Variants in ARID1B observed in about 807,000 individuals in gnomAD.
ARID1B encodes the protein AT-rich interactive domain-containing protein 1B.
Under a neutral mutation model 212.3 loss-of-function variants are expected in ARID1B, and 30 were observed. The ratio of observed to expected loss-of-function variants is 0.14; its 90% CI spans 0.11 to 0.19. The LOEUF is 0.19. Ranked by LOEUF, ARID1B falls within the 10% of genes least tolerant of loss-of-function variation. The probability of loss-of-function intolerance (pLI) is 1.00; values close to 1 mark genes in which losing one functional copy is unlikely to be tolerated. For synonymous variants in ARID1B, 1,402 were observed against 1,301.7 expected (o/e 1.08, Z -1.66); for missense variants, 2,891 against 3,204.0 (o/e 0.90, Z 2.36).
At chr6:157,115,449 CAG>C (rs2128532584) in intron 6 of ARID1B, among the ~76,000 whole-genome samples, 1 of 152,276 alleles carries the variant, frequency 6.6e-6, no homozygotes, top group African/African-American at 2.4e-5. Context: ...TGTTTTGAGA[CAG>C]AGTCTTGCTC....
chr6:157,183,042 C>T (rs777193067), intron 12 of ARID1B, among the ~76,000 whole-genome samples: 2 of 152,154 alleles, frequency 1.3e-5, no homozygotes, highest in African/African-American at 4.8e-5. Flanking sequence ...TGAGACTCTC[C>T]GCGGGCTTAT....
intron 12 of ARID1B, 118 bp from the exon 13 acceptor site, chr6:157,184,113 T>G: frequency 1.2e-6 from 1 of 862,112 alleles, no homozygotes; most frequent in Non-Finnish European, 1.8e-6. Flanking sequence ...GTAATGAGCA[T>G]TAGTTAAAAG....
intron 8 of ARID1B, among the ~76,000 whole-genome samples, chr6:157,159,287 C>A (rs989450586): frequency 6.6e-6 from 1 of 152,206 alleles, no homozygotes; most frequent in African/African-American, 2.4e-5. Flanking sequence ...AAGAGAACTT[C>A]CTTAGTTATC....
At chr6:156,833,245 C>T (rs1358989022) in intron 2 of ARID1B, among the ~76,000 whole-genome samples, 1 of 151,980 alleles carries the variant, frequency 6.6e-6, no homozygotes, top group East Asian at 1.9e-4. Context: ...CTTAAAGACA[C>T]CAAGATATTC....
At position 156,905,835 on chromosome 6, in the gene ARID1B, G is replaced by A. The variant is rs563375914; in HGVS notation, c.2136+4310G>A. Among the ~76,000 whole-genome samples the A allele has an allele frequency of 8.6e-5, 13 of 151,528 alleles. 1 individual carries two copies. The highest frequency in any genetic ancestry group is 3.3e-4 in the Admixed American group (5 of 15,224). On this transcript the variant is annotated intron_variant, in intron 3 of 19. Transcript: ENST00000636930. Reference sequence around the variant, plus strand: ...TATAAACTTTTTCTTTTTTTATCACGCTATTTTCTAAGAATTTTATCTTTT... The same window carrying A: ...TATAAACTTTTTCTTTTTTTATCACACTATTTTCTAAGAATTTTATCTTTT...
chr6:156,811,521 G>C (rs1249640361), intron 1 of ARID1B, among the ~76,000 whole-genome samples: 1 of 152,194 alleles, frequency 6.6e-6, no homozygotes, highest in Non-Finnish European at 1.5e-5. Context: ...GTGCTGGCAA[G>C]GTAGTTTTCA....
intron 1 of ARID1B, among the ~76,000 whole-genome samples, chr6:156,801,675 G>T (rs2115350192): frequency 6.6e-6 from 1 of 152,188 alleles, no homozygotes; most frequent in East Asian, 1.9e-4. Context: ...GCAGGGTGGG[G>T]TCTGTGTTTT....
intron 8 of ARID1B, chr6:157,166,632 C>CATTT (rs1412923723): frequency 6.5e-6 from 1 of 154,280 alleles, no homozygotes; most frequent in African/African-American, 2.4e-5. Flanking sequence ...CCACACTGCC[C>CATTT]ATTTGTTTTT....
chr6:157,079,110 A>T (rs1380192851), intron 4 of ARID1B, among the ~76,000 whole-genome samples: 2 of 152,218 alleles, frequency 1.3e-5, no homozygotes, highest in African/African-American at 4.8e-5. Context: ...ACATATTTGG[A>T]CATGATTAAA....
chr6:156,885,168 A>G (rs1345731860), intron 2 of ARID1B, among the ~76,000 whole-genome samples: 2 of 152,204 alleles, frequency 1.3e-5, no homozygotes, highest in African/African-American at 2.4e-5. Flanking sequence ...ATTTTAGCCC[A>G]GTTATCCTTA....
chr6:156,829,237 T>C lies in ARID1B; in HGVS notation c.1802T>C (p.Met601Thr), dbSNP rs775164729. Residue 601 changes from methionine to threonine, a missense_variant, in exon 2 of 20, where the codon ATG becomes ACG. By Grantham distance (81) the Met-to-Thr change is moderately conservative. Around this residue, in one of 7 missense-constraint regions of ARID1B, gnomAD observed 1,643 missense variants for 1,544.0 expected, o/e 1.06. Transcript: ENST00000636930. Reference sequence around the variant, plus strand: ...TTTATGTCTTCACAGGGCAGCCCAATGGATCCAATGGTGATGAAGAGACCT... The same window carrying C: ...TTTATGTCTTCACAGGGCAGCCCAACGGATCCAATGGTGATGAAGAGACCT... ...PTMGRSQGSPMDPMVMKRPQL... is the reference protein window; with the variant it reads ...PTMGRSQGSPTDPMVMKRPQL... 1.9e-6 allele frequency: 3 copies of C among 1,612,286 alleles called. No individual in the cohort carries two copies. The highest frequency in any genetic ancestry group is 4.5e-5 in the East Asian group (2 of 44,870).
chr6:156,916,173 TAC>T (rs1790338566), intron 3 of ARID1B, among the ~76,000 whole-genome samples: 1 of 152,206 alleles, frequency 6.6e-6, no homozygotes, highest in Non-Finnish European at 1.5e-5. Flanking sequence ...CAGGAAGAAG[TAC>T]ACAGTTGGAC....
At chr6:156,975,563 C>T (rs796167748) in intron 4 of ARID1B, among the ~76,000 whole-genome samples, 1 of 144,048 alleles carries the variant, frequency 6.9e-6, no homozygotes, top group South Asian at 2.3e-4. Context: ...TTTCAAAAGA[C>T]ATTTTTTTCC....
chr6:156,820,541 A>G (rs949006788), intron 1 of ARID1B, among the ~76,000 whole-genome samples: 2 of 152,188 alleles, frequency 1.3e-5, no homozygotes, highest in Admixed American at 1.3e-4. Flanking sequence ...AAAATAAAAG[A>G]GATTTAGGAA....
intron 8 of ARID1B, among the ~76,000 whole-genome samples, chr6:157,161,427 G>A (rs534061704): frequency 0.011 from 1,457 of 130,022 alleles, 22 homozygotes; most frequent in African/African-American, 0.049. Flanking sequence ...TTGATTGTGT[G>A]TGTGTATATA....
At chr6:157,195,997 G>T in intron 15 of ARID1B, 168 bp from the exon 16 acceptor site, 1 of 720,170 alleles carries the variant, frequency 1.4e-6, no homozygotes, top group Non-Finnish European at 2.1e-6. Flanking sequence ...GGAGGCAGAG[G>T]TTGCAGTGAG....
In ARID1B at chr6:156,875,420, T is replaced by G. The variant is rs572926344; in HGVS notation, c.1987-25956T>G. ...AAAAATGTATGGAACACTTTGCCAT[T>G]TATTCAAAATTAATTGCATTTGTAA... On this transcript the variant is annotated intron_variant, in intron 2 of 19. Coordinates refer to ENST00000636930, the MANE Select transcript of ARID1B (RefSeq NM_001374828.1). 3.9e-5 allele frequency among the ~76,000 whole-genome samples: 6 copies of G among 152,366 alleles called. No homozygotes were observed. In the South Asian group the frequency reaches 1.2e-3, roughly 32 times the overall value.
At chr6:156,985,974 G>A (rs1393268790) in intron 4 of ARID1B, among the ~76,000 whole-genome samples, 1 of 152,154 alleles carries the variant, frequency 6.6e-6, no homozygotes, top group Non-Finnish European at 1.5e-5. Context: ...CTGTTGCACC[G>A]AGTAATTTTC....
At chr6:157,106,374 T>C (rs1786484132) in intron 5 of ARID1B, among the ~76,000 whole-genome samples, 1 of 152,206 alleles carries the variant, frequency 6.6e-6, no homozygotes, top group Non-Finnish European at 1.5e-5. Context: ...TGCATCCTCA[T>C]CTGGAGGCTC....
Sources: allele counts gnomAD v4.1 joint callset (sites outside exome capture counted in the v4.1 genomes callset), GRCh38; gene constraint gnomAD v4.1.1; regional missense constraint gnomAD v4.1.1; transcripts MANE v1.5; gene names NCBI Gene and HGNC (gene_info 2026-07-23, HGNC 2026-07-21).